The following TNNI1 variants were observed in gnomAD, a reference collection of about 807,000 sequenced individuals.
TNNI1 encodes the protein troponin I1, slow skeletal type, also known as troponin I, slow skeletal muscle.
TNNI1 carries 14 observed loss-of-function variants against 26.7 expected under a neutral mutation model. The observed-to-expected ratio is 0.52, with a 90% CI of 0.35 to 0.82. The LOEUF is 0.82. Ranked by LOEUF, TNNI1 falls within the 40% of genes least tolerant of loss-of-function variation. TNNI1 has a pLI of 0.01. For missense variants in TNNI1, 164 were observed against 257.0 expected (o/e 0.64, Z 2.47); for synonymous variants, 79 against 98.2 (o/e 0.80, Z 1.16).
Position 201,408,739 on chromosome 1 carries a change from GCCCTCCCTT to G in TNNI1, c.*505_*513del, listed in dbSNP as rs1662575765. 1.3e-5 allele frequency: 2 copies of G among 152,350 alleles called. No individual in the cohort carries two copies. Among genetic ancestry groups the G allele is most frequent in the Non-Finnish European group, 2.9e-5 (2 of 68,140 alleles). 9.4% of individuals were successfully genotyped at this position (152,350 alleles called of 1,614,324 possible). A position where few individuals can be genotyped will look rare whatever the true frequency, so the allele number is the denominator to read the frequency against. ...CTGGCAAGCAGCCACCAATTCCTTA[GCCCTCCCTT>G]CAGATCCCGAGCTCCGGACTGCAGA... On this transcript the variant is annotated 3_prime_UTR_variant, in exon 9 of 9. Coordinates refer to ENST00000361379, the MANE Select transcript of TNNI1 (RefSeq NM_003281.4).
intron 8 of TNNI1, 63 bp downstream of exon 8, chr1:201,410,263 G>C: frequency 6.9e-7 from 1 of 1,448,992 alleles, no homozygotes; most frequent in South Asian, 1.2e-5. Flanking sequence ...TGCCCATTGT[G>C]GACTCCCTCA....
At chr1:201,419,724 G>A (rs891914084) in intron 1 of TNNI1, among the ~76,000 whole-genome samples, 1 of 152,150 alleles carries the variant, frequency 6.6e-6, no homozygotes, top group East Asian at 1.9e-4. Context: ...ATCTCCCAAC[G>A]GGTCAGAAAG....
chr1:201,404,695 G>C lies in TNNI1; in HGVS notation c.*4558C>G, dbSNP rs1393454733. On this transcript the variant is annotated 3_prime_UTR_variant, in exon 9 of 9. Coordinates refer to ENST00000361379, the MANE Select transcript of TNNI1 (RefSeq NM_003281.4). ...AAATCTCACTACATTTGTGGCCCTG[G>C]TTTCCTCCTTGTGGGGTGGAGCAGT... The C allele has an allele frequency of 4.6e-5, 7 of 152,208 alleles. No homozygotes were observed. Among genetic ancestry groups the C allele is most frequent in the African/African-American group, 1.4e-4 (6 of 41,440 alleles). The allele number at this position is 152,208 out of a possible 1,614,324, so 9.4% of individuals were successfully genotyped here. A position where few individuals can be genotyped will look rare whatever the true frequency, so the allele number is the denominator to read the frequency against.
At position 201,413,027 on chromosome 1, in the gene TNNI1, C is replaced by T. The variant is rs977493606; in HGVS notation, c.279+5G>A. 2.5e-6 allele frequency: 4 copies of T among 1,613,806 alleles called. No homozygotes were observed. Among genetic ancestry groups the T allele is most frequent in the African/African-American group, 2.7e-5 (2 of 74,946 alleles). On this transcript the variant is annotated splice_donor_5th_base_variant and intron_variant, in intron 6 of 8. Coordinates refer to ENST00000361379, the MANE Select transcript of TNNI1 (RefSeq NM_003281.4). ...GGCCATGCCCCTTCCCTTCCTTAGACTCACCTCCCTGGTGTTGTGGAGGCA... is the reference window on the plus strand; with the variant it reads ...GGCCATGCCCCTTCCCTTCCTTAGATTCACCTCCCTGGTGTTGTGGAGGCA...
intron 2 of TNNI1, 27 bp downstream of exon 2, chr1:201,417,756 G>A (rs1159461265): frequency 1.5e-6 from 2 of 1,313,666 alleles, no homozygotes; most frequent in Non-Finnish European, 2.0e-6. Context: ...CCTTCCTGGG[G>A]CCCCAGATGG....
chr1:201,414,759 G>A, intron 4 of TNNI1, 110 bp from the exon 5 acceptor site: 4 of 1,515,800 alleles, frequency 2.6e-6, no homozygotes, highest in South Asian at 1.3e-5. Flanking sequence ...ACTGTCCAGT[G>A]TAGAAGTGTA....
intron 4 of TNNI1, 45 bp from the exon 5 acceptor site, chr1:201,414,694 C>T: frequency 6.3e-7 from 1 of 1,597,616 alleles, no homozygotes; most frequent in Admixed American, 1.7e-5. Flanking sequence ...ACATCTCCCA[C>T]CCGGCATCAG....
chr1:201,420,492 G>A (rs535317412), intron 1 of TNNI1, among the ~76,000 whole-genome samples: 1 of 152,304 alleles, frequency 6.6e-6, no homozygotes, highest in Non-Finnish European at 1.5e-5. Flanking sequence ...TCCCTTCCTT[G>A]AGGCTTTGCA....
chr1:201,414,697 G>A (rs747898418), intron 4 of TNNI1, 48 bp from the exon 5 acceptor site: 25 of 1,595,450 alleles, frequency 1.6e-5, no homozygotes, highest in Middle Eastern at 1.7e-4. Flanking sequence ...TCTCCCACCC[G>A]GCATCAGGGA....
chr1:201,418,329 A>G (rs1460323449), intron 1 of TNNI1, among the ~76,000 whole-genome samples: 1 of 152,030 alleles, frequency 6.6e-6, no homozygotes, highest in Non-Finnish European at 1.5e-5. Flanking sequence ...ATTAGCCAGC[A>G]TGGTGGTGCA....
In TNNI1 at chr1:201,407,133, A is replaced by G. The variant is rs1256948; in HGVS notation, c.*2120T>C. 0.51 allele frequency: 78,345 copies of G among 152,148 alleles called. 21,665 individuals carry two copies. The highest frequency in any genetic ancestry group is 0.73 in the African/African-American group (30,438 of 41,524). 9.4% of individuals were successfully genotyped at this position (152,148 alleles called of 1,614,324 possible). On this transcript the variant is annotated 3_prime_UTR_variant, in exon 9 of 9. Transcript: ENST00000361379. ...AACTTGGGGCCAGGCTCTAGGGAAG[A>G]GCTGGAAAGAGGTGAAACAAGGAGA...
Position 201,408,311 on chromosome 1 carries a change from T to C in TNNI1, c.*942A>G, listed in dbSNP as rs1462593721. ...GTGCAGGAGTGTGAAGGGGAAACAA[T>C]TGGGAGGAGGGTGGGTGAACGTGGG... On this transcript the variant is annotated 3_prime_UTR_variant, in exon 9 of 9. Coordinates refer to ENST00000361379, the MANE Select transcript of TNNI1 (RefSeq NM_003281.4). The C allele has an allele frequency of 6.6e-6, 1 of 152,006 alleles. No individual in the cohort carries two copies. Among genetic ancestry groups the C allele is most frequent in the East Asian group, 1.9e-4 (1 of 5,160 alleles). 9.4% of individuals were successfully genotyped at this position (152,006 alleles called of 1,614,324 possible).
At chr1:201,417,188 T>G in intron 2 of TNNI1, 69 bp from the exon 3 acceptor site, 1 of 1,606,760 alleles carries the variant, frequency 6.2e-7, no homozygotes, top group Non-Finnish European at 8.5e-7. Context: ...CAATGAGGAT[T>G]ACATGTGCAG....
chr1:201,420,409 G>A (rs1024208394), intron 1 of TNNI1, among the ~76,000 whole-genome samples: 23 of 152,124 alleles, frequency 1.5e-4, no homozygotes, highest in African/African-American at 4.6e-4. Context: ...TAGCAAGCAA[G>A]GAGATAATGA....
chr1:201,415,143 C>T (rs1220990458), intron 4 of TNNI1, 70 bp downstream of exon 4: 4 of 1,381,212 alleles, frequency 2.9e-6, no homozygotes, highest in Non-Finnish European at 4.1e-6. Flanking sequence ...CTCCACATCC[C>T]TTCAGAGTCT....
At chr1:201,417,536 G>A (rs1422985424) in intron 2 of TNNI1, among the ~76,000 whole-genome samples, 1 of 152,156 alleles carries the variant, frequency 6.6e-6, no homozygotes, top group Admixed American at 6.5e-5. Flanking sequence ...GATAGATCAA[G>A]ACAGGAAATC....
chr1:201,419,034 G>C (rs1408400496), intron 1 of TNNI1, among the ~76,000 whole-genome samples: 3 of 152,140 alleles, frequency 2.0e-5, no homozygotes, highest in South Asian at 2.1e-4. Context: ...TCTCATACCT[G>C]AGTGATGAAA....
chr1:201,413,414 G>A (rs949827364), intron 5 of TNNI1, among the ~76,000 whole-genome samples: 2 of 100,082 alleles, frequency 2.0e-5, no homozygotes, highest in Non-Finnish European at 2.2e-5. Context: ...GTGACAGAGC[G>A]AGACTCCGTC....
chr1:201,411,344 A>T lies in TNNI1; in HGVS notation c.456+13T>A. On this transcript the variant is annotated intron_variant, in intron 7 of 8. Transcript: ENST00000361379. The surrounding 1 kb of genome is among the most constrained non-coding windows in gnomAD (Gnocchi z 4.6). Reference sequence around the variant, plus strand: ...GGGCAGAGGGTGGAATGTTCTGAGGAAAGGGACCTCACCTTCTCTGTGTCT... The same window carrying T: ...GGGCAGAGGGTGGAATGTTCTGAGGTAAGGGACCTCACCTTCTCTGTGTCT... 6 of 1,613,216 alleles carry T rather than the reference A, an allele frequency of 3.7e-6. No individual in the cohort carries two copies. The highest frequency in any genetic ancestry group is 5.1e-6 in the Non-Finnish European group (6 of 1,179,624).
Sources: gnomAD v4.1 joint callset for allele counts (sites outside exome capture counted in the v4.1 genomes callset) on GRCh38, gnomAD v4.1.1 for gene constraint, Gnocchi (gnomAD v3.1) non-coding constraint, MANE v1.5 for transcripts, NCBI Gene and HGNC (gene_info 2026-07-23, HGNC 2026-07-21) for gene names.